PDE3A: variants seen among roughly 807,000 people sequenced by gnomAD.
The protein encoded by PDE3A is cGMP-inhibited 3',5'-cyclic phosphodiesterase 3A.
A neutral mutation model predicts 98.3 loss-of-function variants in PDE3A; 43 were observed. The observed-to-expected ratio is 0.44, with a 90% CI of 0.34 to 0.56. The LOEUF is 0.56. Ranked by LOEUF, PDE3A falls within the 20% of genes least tolerant of loss-of-function variation. PDE3A has a pLI of 0.01. For synonymous variants in PDE3A, 663 were observed against 567.9 expected, an observed-to-expected ratio of 1.17 and a Z score of -2.38; for missense variants, 1,427 against 1,440.7, an observed-to-expected ratio of 0.99 and a Z score of 0.15.
Position 20,369,423 on chromosome 12 carries a change from T to TG in PDE3A, c.143dup (p.Asp49ArgfsTer40). ...GCGGGACTCGGGCTGCCGTGGCTGCTGGGGAGACCTGGTGCTGCAGCCGCT... is the reference window on the plus strand; with the variant it reads ...GCGGGACTCGGGCTGCCGTGGCTGCTGGGGGAGACCTGGTGCTGCAGCCGCT... On this transcript the variant is annotated frameshift_variant, in exon 1 of 16. Coordinates refer to ENST00000359062, the MANE Select transcript of PDE3A (RefSeq NM_000921.5). LOFTEE classifies it high-confidence loss of function. 2 of 1,555,286 alleles carry TG rather than the reference T, an allele frequency of 1.3e-6. No individual in the cohort carries two copies. The highest frequency in any genetic ancestry group is 1.7e-6 in the Non-Finnish European group (2 of 1,150,410).
chr12:20,369,954 G>T lies in PDE3A; in HGVS notation c.670G>T (p.Val224Leu). ...CGCCTTGACTAGCGCGGTCAGGACCGTGTCCCTCATTTCCTTAGAGAGGTT... is the reference window on the plus strand; with the variant it reads ...CGCCTTGACTAGCGCGGTCAGGACCTTGTCCCTCATTTCCTTAGAGAGGTT... ...MIALTSAVRT[V>L]SLISLERFKV... The change falls in exon 1 of 16, where the codon GTG (valine) becomes TTG (leucine). Residue 224 changes from valine (V) to leucine (L), a missense_variant. Coordinates refer to ENST00000359062, the MANE Select transcript of PDE3A (RefSeq NM_000921.5). 2 of 1,613,428 alleles carry T rather than the reference G, an allele frequency of 1.2e-6. No homozygotes were observed. The highest frequency in any genetic ancestry group is 1.7e-6 in the Non-Finnish European group (2 of 1,179,972).
At position 20,533,226 on chromosome 12, in the gene PDE3A, G is replaced by T. The variant is rs1265681396; in HGVS notation, c.961-23434G>T. Reference sequence around the variant, plus strand: ...AAGATAGTTATTTATAGTACAGTATGAAAAGTACACAAATTTTGAGCAGTA... The same window carrying T: ...AAGATAGTTATTTATAGTACAGTATTAAAAGTACACAAATTTTGAGCAGTA... On this transcript the variant is annotated intron_variant, in intron 1 of 15. Coordinates refer to ENST00000359062, the MANE Select transcript of PDE3A (RefSeq NM_000921.5). Among the ~76,000 whole-genome samples the T allele has an allele frequency of 2.0e-5, 3 of 152,054 alleles. No homozygotes were observed. The East Asian group carries it at 5.8e-4, about 30-fold the overall frequency.
chr12:20,645,544 A>G (rs1035965269), intron 10 of PDE3A, among the ~76,000 whole-genome samples: 3 of 152,194 alleles, frequency 2.0e-5, no homozygotes, highest in Non-Finnish European at 4.4e-5. Flanking sequence ...TACAATATAT[A>G]AAGTATAGGT....
intron 1 of PDE3A, among the ~76,000 whole-genome samples, chr12:20,376,557 T>C (rs1943574873): frequency 6.6e-6 from 1 of 151,984 alleles, no homozygotes; most frequent in Non-Finnish European, 1.5e-5. Flanking sequence ...TCAGTTGCAC[T>C]GAAAAGTCTA....
intron 1 of PDE3A, among the ~76,000 whole-genome samples, chr12:20,404,060 C>A (rs1046331758): frequency 7.2e-5 from 11 of 151,916 alleles, no homozygotes; most frequent in Non-Finnish European, 1.6e-4. Flanking sequence ...TCAAGTGACA[C>A]AATTTGGCCA....
At chr12:20,485,129 C>G (rs1428845516) in intron 1 of PDE3A, among the ~76,000 whole-genome samples, 1 of 152,046 alleles carries the variant, frequency 6.6e-6, no homozygotes, top group Non-Finnish European at 1.5e-5. Flanking sequence ...ATGCATTGTC[C>G]CACAGTTCTG....
chr12:20,585,561 T>C (rs1022604211), intron 2 of PDE3A, among the ~76,000 whole-genome samples: 6 of 152,236 alleles, frequency 3.9e-5, no homozygotes, highest in African/African-American at 1.4e-4. Flanking sequence ...AGACCTTTAG[T>C]AAGTAACAAA....
rs1305033432 is a variant in PDE3A at position 20,395,487 on chromosome 12, G to GTA, written c.960+25252_960+25253dup. Among the ~76,000 whole-genome samples, 5 of 118,914 alleles carry GTA rather than the reference G, an allele frequency of 4.2e-5. No homozygotes were observed. In the South Asian group the frequency reaches 1.0e-3, roughly 25 times the overall value. The allele number at this position is 118,914 out of a possible 152,430, so 78.0% of individuals were successfully genotyped here. On this transcript the variant is annotated intron_variant, in intron 1 of 15. Transcript: ENST00000359062. The stretch of plus-strand genomic sequence containing the variant: ...TATATGTATACTATGTATACACATA[G>GTA]TATATATATACATAGTATAATATGT...
rs925126625 is a variant in PDE3A at position 20,552,651 on chromosome 12, C to G, written c.961-4009C>G. ...CCAAGAAAACCAAGGTGGAGCCCTA[C>G]AGTCTCACGGCCCAGCAGAGCAGCC... On this transcript the variant is annotated intron_variant, in intron 1 of 15. Transcript: ENST00000359062. The surrounding 1 kb of genome is among the most constrained non-coding windows in gnomAD (Gnocchi z 5.1). 66 of 1,613,800 alleles carry G rather than the reference C, an allele frequency of 4.1e-5. No individual in the cohort carries two copies. The African/African-American group carries it at 7.7e-4, about 19-fold the overall frequency.
intron 1 of PDE3A, among the ~76,000 whole-genome samples, chr12:20,494,137 G>A (rs540248052): frequency 8.5e-5 from 13 of 152,218 alleles, no homozygotes; most frequent in Non-Finnish European, 1.6e-4. Context: ...TCTAGATTAA[G>A]TTGTCTTCAG....
At chr12:20,518,962 T>C (rs567798562) in intron 1 of PDE3A, among the ~76,000 whole-genome samples, 2 of 152,310 alleles carry the variant, frequency 1.3e-5, no homozygotes, top group South Asian at 2.1e-4. Context: ...TTTCATTTAA[T>C]TGAAATTGCT....
Position 20,465,397 on chromosome 12 carries a change from A to G in PDE3A, c.961-91263A>G, listed in dbSNP as rs145076600. Reference sequence around the variant, plus strand: ...TTCTCTAGGTAATTTTTAAAAATTTATTTATTTTATTTTATTTATTTGTTT... The same window carrying G: ...TTCTCTAGGTAATTTTTAAAAATTTGTTTATTTTATTTTATTTATTTGTTT... On this transcript the variant is annotated intron_variant, in intron 1 of 15. Transcript: ENST00000359062. Among the ~76,000 whole-genome samples the G allele has an allele frequency of 3.2e-4, 48 of 152,080 alleles. No individual in the cohort carries two copies. The East Asian group carries it at 7.4e-3, about 23-fold the overall frequency.
intron 15 of PDE3A, among the ~76,000 whole-genome samples, chr12:20,656,593 A>T (rs1010050170): frequency 5.9e-5 from 9 of 152,222 alleles, no homozygotes; most frequent in African/African-American, 1.9e-4. Flanking sequence ...CTTGGAATTC[A>T]TGGGTTATTC....
At chr12:20,660,148 T>A (rs937630723) in intron 15 of PDE3A, among the ~76,000 whole-genome samples, 10 of 152,184 alleles carry the variant, frequency 6.6e-5, no homozygotes, top group Non-Finnish European at 1.0e-4. Context: ...TTGCTGGTTT[T>A]ATAAGAGGCT....
intron 1 of PDE3A, among the ~76,000 whole-genome samples, chr12:20,370,647 A>G (rs1302358651): frequency 6.6e-6 from 1 of 151,806 alleles, no homozygotes; most frequent in African/African-American, 2.4e-5. Context: ...TGATTTTTTT[A>G]ACACATAGAT....
Position 20,369,861 on chromosome 12 carries a change from G to A in PDE3A, c.577G>A (p.Val193Met). 1 of 1,612,588 alleles carries A rather than the reference G, an allele frequency of 6.2e-7. No individual in the cohort carries two copies. Among genetic ancestry groups the A allele is most frequent in the Non-Finnish European group, 8.5e-7 (1 of 1,179,554 alleles). ...CTTACTCTCACTCCCCGCCGCGGGG[G>A]TGGTGCTCAGCTGCTTGGCCGCCGC... ...DHLLSLPAAGVVLSCLAAATW... is the reference protein window; with the variant it reads ...DHLLSLPAAGMVLSCLAAATW... The change falls in exon 1 of 16, where the codon GTG becomes ATG. Residue 193 changes from valine to methionine, a missense_variant. Physicochemically the swap from Val to Met is conservative, Grantham distance 21. This residue lies in a region of PDE3A where 1,012 missense variants were observed against 886.5 expected (regional missense o/e 1.14). Coordinates refer to ENST00000359062, the MANE Select transcript of PDE3A (RefSeq NM_000921.5).
At position 20,646,621 on chromosome 12, in the gene PDE3A, C is replaced by T; in HGVS notation, c.2365+18C>T. 1 of 1,444,964 alleles carries T rather than the reference C, an allele frequency of 6.9e-7. No homozygotes were observed. The highest frequency in any genetic ancestry group is 9.7e-7 in the Non-Finnish European group (1 of 1,026,150). 89.5% of individuals were successfully genotyped at this position (1,444,964 alleles called of 1,614,324 possible). A position where few individuals can be genotyped will look rare whatever the true frequency, so the allele number is the denominator to read the frequency against. ...TGATTCAGGTATGTACGAAGTGAAT[C>T]TGCACTGCCTTATGAAAGATGGGAA... On this transcript the variant is annotated intron_variant, in intron 11 of 15. Coordinates refer to ENST00000359062, the MANE Select transcript of PDE3A (RefSeq NM_000921.5).
chr12:20,577,922 T>C lies in PDE3A; in HGVS notation c.1011+21212T>C, dbSNP rs536343513. 4.6e-5 allele frequency among the ~76,000 whole-genome samples: 7 copies of C among 152,216 alleles called. No homozygotes were observed. The South Asian group carries it at 8.3e-4, about 18-fold the overall frequency. ...TAGTTTTCAAAAGATGGGAAGGAAG[T>C]AGAGGTGTGAATTCGGAAACAAGCT... On this transcript the variant is annotated intron_variant, in intron 2 of 15. Coordinates refer to ENST00000359062, the MANE Select transcript of PDE3A (RefSeq NM_000921.5).
chr12:20,551,733 CG>C, intron 1 of PDE3A: 1 of 1,613,830 alleles, frequency 6.2e-7, no homozygotes, highest in Non-Finnish European at 8.5e-7. Flanking sequence ...ATGATGCCAG[CG>C]AGGTGGTACT....
Sources: gnomAD v4.1 joint callset for allele counts (sites outside exome capture counted in the v4.1 genomes callset) on GRCh38, gnomAD v4.1.1 for gene constraint, gnomAD v4.1.1 regional missense constraint, Gnocchi (gnomAD v3.1) non-coding constraint, MANE v1.5 for transcripts, NCBI Gene and HGNC (gene_info 2026-07-23, HGNC 2026-07-21) for gene names.